Variants in PPP6R3 observed in about 807,000 individuals in gnomAD.
PPP6R3 encodes the protein protein phosphatase 6 regulatory subunit 3.
PPP6R3 carries 38 observed loss-of-function variants against 110.7 expected under a neutral mutation model. The observed-to-expected ratio is 0.34, with a 90% CI of 0.26 to 0.45. The LOEUF (loss-of-function observed/expected upper bound fraction) is 0.45. Among genes scored for constraint, PPP6R3 ranks in the 20% least tolerant of loss-of-function variants. The pLI, the probability that PPP6R3 is intolerant of heterozygous loss-of-function variation, is 1.00. For synonymous variants in PPP6R3, 369 were observed against 373.5 expected (o/e 0.99, Z 0.14); for missense variants, 870 against 1,062.4 (o/e 0.82, Z 2.52).
intron 1 of PPP6R3, among the ~76,000 whole-genome samples, chr11:68,485,137 G>C (rs188450770): frequency 4.0e-5 from 6 of 151,730 alleles, no homozygotes; most frequent in Admixed American, 3.3e-4. Context: ...TCATTTTTTG[G>C]ATATGTTAAT....
chr11:68,468,007 C>T (rs914663126), intron 1 of PPP6R3, among the ~76,000 whole-genome samples: 1 of 152,148 alleles, frequency 6.6e-6, no homozygotes, highest in Admixed American at 6.6e-5. Context: ...CTCCTGACCT[C>T]TAGTGATCCG....
rs750049631 is a variant in PPP6R3 at position 68,603,444 on chromosome 11, C to T, written c.2402C>T (p.Thr801Met). 5.3e-5 allele frequency: 85 copies of T among 1,614,022 alleles called. No individual in the cohort carries two copies. The highest frequency in any genetic ancestry group is 8.3e-5 in the Admixed American group (5 of 60,006). ...GTGATGAATGGCGGCATGAAGGAAA[C>T]GCTCAGCCTCACTGTAGATGCCAAG... is the stretch of plus-strand genomic sequence containing the variant. ...ETVMNGGMKE[T>M]LSLTVDAKTE... Residue 801 changes from threonine (T) to methionine (M), a missense_variant, in exon 22 of 24, where the codon ACG (threonine) becomes ATG (methionine). Physicochemically the swap from Thr to Met is moderately conservative, Grantham distance 81 (BLOSUM62 -1). Coordinates refer to ENST00000393800, the MANE Select transcript of PPP6R3 (RefSeq NM_001164161.2).
chr11:68,549,806 T>C (rs1226698777), intron 5 of PPP6R3, among the ~76,000 whole-genome samples: 4 of 152,156 alleles, frequency 2.6e-5, no homozygotes, highest in African/African-American at 9.7e-5. Context: ...AGGAGGTTGA[T>C]AAAGGTGTAG....
chr11:68,564,408 T>C lies in PPP6R3; in HGVS notation c.951T>C (p.His317=). 2 of 1,614,112 alleles carry C rather than the reference T, an allele frequency of 1.2e-6. No homozygotes were observed. Among genetic ancestry groups the C allele is most frequent in the Non-Finnish European group, 1.7e-6 (2 of 1,179,964 alleles). Residue 317 remains histidine, a synonymous_variant, in exon 9 of 24, where the codon CAT becomes CAC. Coordinates refer to ENST00000393800, the MANE Select transcript of PPP6R3 (RefSeq NM_001164161.2). ...TCAGAGGAAGACTTGGATCTTTTCA[T>C]GAACTCCTGCTGGAGCCACCCAAGG... The part of the protein sequence containing the change: ...EAIRGRLGSF[H]ELLLEPPKKS...
At chr11:68,575,775 G>T (rs1346934872) in intron 13 of PPP6R3, among the ~76,000 whole-genome samples, 183 bp from the exon 14 acceptor site, 1 of 152,180 alleles carries the variant, frequency 6.6e-6, no homozygotes, top group Non-Finnish European at 1.5e-5. Context: ...CCTATGGAAG[G>T]TTTAATAATT....
At chr11:68,497,815 T>TA (rs1185842326) in intron 1 of PPP6R3, among the ~76,000 whole-genome samples, 1 of 152,232 alleles carries the variant, frequency 6.6e-6, no homozygotes, top group Non-Finnish European at 1.5e-5. Flanking sequence ...GTGTCATATC[T>TA]AAGAAAGTTT....
In PPP6R3 at chr11:68,560,408, A is replaced by G. The variant is rs541238331; in HGVS notation, c.845+1729A>G. On this transcript the variant is annotated intron_variant, in intron 8 of 23. Coordinates refer to ENST00000393800, the MANE Select transcript of PPP6R3 (RefSeq NM_001164161.2). The stretch of plus-strand genomic sequence containing the variant: ...CACTGTTTCCTGTGGAGTTCAGATG[A>G]ATAATAAGAGACTACTACAAACAAT... Among the ~76,000 whole-genome samples, 5 of 152,348 alleles carry G rather than the reference A, an allele frequency of 3.3e-5. No homozygotes were observed. The South Asian group carries it at 8.3e-4, about 25-fold the overall frequency.
At chr11:68,483,730 C>T (rs754289238) in intron 1 of PPP6R3, among the ~76,000 whole-genome samples, 19 of 152,242 alleles carry the variant, frequency 1.2e-4, no homozygotes, top group Non-Finnish European at 2.2e-4. Flanking sequence ...GATCCGCCTT[C>T]TTTGGTCTCC....
chr11:68,529,772 A>G (rs1170969641), intron 2 of PPP6R3, among the ~76,000 whole-genome samples: 1 of 152,176 alleles, frequency 6.6e-6, no homozygotes, highest in East Asian at 1.9e-4. Context: ...TCTCCTGTAT[A>G]TTTCTATTTT....
At chr11:68,513,589 T>A (rs2099121423) in intron 1 of PPP6R3, among the ~76,000 whole-genome samples, 1 of 152,200 alleles carries the variant, frequency 6.6e-6, no homozygotes, top group Admixed American at 6.5e-5. Context: ...GTTTCGAAGA[T>A]CATAGACGTA....
rs1245556447 is a variant in PPP6R3, at chr11:68,548,203, A to G, written c.551A>G (p.Asn184Ser). 6.2e-7 allele frequency: 1 copy of G among 1,613,864 alleles called. No individual in the cohort carries two copies. Among genetic ancestry groups the G allele is most frequent in the African/African-American group, 1.3e-5 (1 of 74,922 alleles). ...CCACAGCCCAGGCAAGATGTGCTGAATGTGAGTAGAATTCTGACCTGCTGT... is the reference window on the plus strand; with the variant it reads ...CCACAGCCCAGGCAAGATGTGCTGAGTGTGAGTAGAATTCTGACCTGCTGT... ...EPPQPRQDVLNWLNEEKIIQR... is the reference protein window; with the variant it reads ...EPPQPRQDVLSWLNEEKIIQR... The change falls in exon 5 of 24, where the codon AAT becomes AGT. Residue 184 changes from asparagine to serine, a missense_variant and splice_region_variant. Asn to Ser is a conservative substitution (Grantham distance 46). Transcript: ENST00000393800.
intron 4 of PPP6R3, among the ~76,000 whole-genome samples, chr11:68,547,573 G>A (rs964150495): frequency 6.6e-6 from 1 of 152,182 alleles, no homozygotes; most frequent in African/African-American, 2.4e-5. Context: ...AATCAAAGGC[G>A]ATGTTTGTGT....
At chr11:68,594,321 A>G (rs541403529) in intron 18 of PPP6R3, among the ~76,000 whole-genome samples, 13 of 138,988 alleles carry the variant, frequency 9.4e-5, no homozygotes, top group Non-Finnish European at 2.0e-4. Context: ...AGAGAGAGAA[A>G]AAGAGAGAGA....
At chr11:68,520,942 T>C (rs1033187369) in intron 2 of PPP6R3, among the ~76,000 whole-genome samples, 3 of 152,114 alleles carry the variant, frequency 2.0e-5, no homozygotes, top group African/African-American at 4.8e-5. Context: ...CGGCTAATTT[T>C]TGTATTTTTT....
intron 2 of PPP6R3, among the ~76,000 whole-genome samples, chr11:68,527,795 C>T (rs1423272321): frequency 6.6e-6 from 1 of 152,216 alleles, no homozygotes; most frequent in Non-Finnish European, 1.5e-5. Context: ...CCTAATCCTA[C>T]CACCTACCCA....
At chr11:68,611,581 GAC>G (rs1424030778) in intron 23 of PPP6R3, among the ~76,000 whole-genome samples, 2 of 152,118 alleles carry the variant, frequency 1.3e-5, no homozygotes, top group Non-Finnish European at 1.5e-5. Context: ...TCTTTCCTCT[GAC>G]ACACGTTTGT....
At chr11:68,538,000 G>C in intron 3 of PPP6R3, 109 bp downstream of exon 3, 1 of 818,222 alleles carries the variant, frequency 1.2e-6, no homozygotes, top group Non-Finnish European at 1.9e-6. Context: ...TTTACAGAAG[G>C]GTAAGATAGT....
rs2099374137 is a variant in PPP6R3 at position 68,551,333 on chromosome 11, C to G, written c.618+147C>G. On this transcript the variant is annotated intron_variant, in intron 6 of 23. Transcript: ENST00000393800. The stretch of plus-strand genomic sequence containing the variant: ...CGATCTAGTGTTCTTAAAGTTGATA[C>G]TTTTCTAAACAATATTACATTTTGC... The G allele has an allele frequency of 1.3e-5, 8 of 625,206 alleles. No homozygotes were observed. In the East Asian group the frequency reaches 2.0e-4, roughly 16 times the overall value. The allele number at this position is 625,206 out of a possible 1,614,324, so 38.7% of individuals were successfully genotyped here.
chr11:68,516,625 T>C (rs2099138465), intron 1 of PPP6R3, among the ~76,000 whole-genome samples: 1 of 152,254 alleles, frequency 6.6e-6, no homozygotes. Context: ...TTCCATGTTT[T>C]AGCTGTTGTG....
Sources: gnomAD v4.1 joint callset for allele counts (sites outside exome capture counted in the v4.1 genomes callset) on GRCh38, gnomAD v4.1.1 for gene constraint, MANE v1.5 for transcripts, NCBI Gene and HGNC (gene_info 2026-07-23, HGNC 2026-07-21) for gene names.